DAB1: variants seen among roughly 807,000 people sequenced by gnomAD.
DAB1 encodes DAB adaptor protein 1, also known as disabled homolog 1.
DAB1 carries 15 observed loss-of-function variants against 64.6 expected under a neutral mutation model. The ratio of observed to expected loss-of-function variants is 0.23; its 90% CI spans 0.16 to 0.36. The LOEUF is 0.36. DAB1 is among the 10% of genes least tolerant of loss of function. DAB1 has a pLI of 1.00. For synonymous variants in DAB1, 235 were observed against 251.9 expected (o/e 0.93, Z 0.64); for missense variants, 596 against 706.7 (o/e 0.84, Z 1.78).
intron 3 of DAB1, among the ~76,000 whole-genome samples, chr1:58,447,167 G>C (rs111771858): frequency 1.3e-5 from 2 of 152,192 alleles, no homozygotes; most frequent in African/African-American, 4.8e-5. Flanking sequence ...GTCACCTAGA[G>C]CCTGTAGAGG....
chr1:57,574,867 C>T (rs567336810), intron 7 of DAB1, among the ~76,000 whole-genome samples: 114 of 152,310 alleles, frequency 7.5e-4, no homozygotes, highest in African/African-American at 2.7e-3. Context: ...AACACAATCA[C>T]ACAGCCCTAA....
chr1:57,774,423 A>T (rs1649700825), intron 6 of DAB1, among the ~76,000 whole-genome samples: 1 of 151,750 alleles, frequency 6.6e-6, no homozygotes, highest in Admixed American at 6.6e-5. Context: ...TATGCCCTTT[A>T]CATTCCAAAT....
intron 7 of DAB1, among the ~76,000 whole-genome samples, chr1:57,470,323 C>G (rs1194564999): frequency 6.6e-6 from 1 of 152,188 alleles, no homozygotes; most frequent in Non-Finnish European, 1.5e-5. Context: ...AGCTTTTCAC[C>G]TCCAGAATTT....
chr1:58,305,650 A>C (rs915493050), intron 4 of DAB1, among the ~76,000 whole-genome samples: 1 of 152,226 alleles, frequency 6.6e-6, no homozygotes, highest in Non-Finnish European at 1.5e-5. Flanking sequence ...TGAATATTTA[A>C]GACTTTCCTT....
At chr1:57,222,833 G>A (rs954033435) in intron 2 of DAB1, among the ~76,000 whole-genome samples, 14 of 152,160 alleles carry the variant, frequency 9.2e-5, no homozygotes, top group Non-Finnish European at 1.9e-4. Flanking sequence ...TGTCTTCATG[G>A]GAGTTATGAT....
At chr1:57,368,361 G>A (rs1680232814) in intron 1 of DAB1, among the ~76,000 whole-genome samples, 2 of 152,192 alleles carry the variant, frequency 1.3e-5, no homozygotes, top group Admixed American at 6.5e-5. Context: ...GAAGGATGGG[G>A]GCGGGGCTGC....
intron 9 of DAB1, among the ~76,000 whole-genome samples, chr1:57,055,470 C>A (rs1316707789): frequency 6.6e-6 from 1 of 152,056 alleles, no homozygotes; most frequent in Non-Finnish European, 1.5e-5. Context: ...AAAACTAGGG[C>A]AAGAATGAGT....
chr1:57,944,133 C>T (rs1645146435), intron 5 of DAB1, among the ~76,000 whole-genome samples: 1 of 152,160 alleles, frequency 6.6e-6, no homozygotes, highest in Non-Finnish European at 1.5e-5. Flanking sequence ...ATAATCTCTT[C>T]CCACTGGCTC....
intron 7 of DAB1, among the ~76,000 whole-genome samples, chr1:57,574,466 T>G (rs1227909040): frequency 6.6e-6 from 1 of 152,204 alleles, no homozygotes; most frequent in Non-Finnish European, 1.5e-5. Context: ...ATTCTATTCT[T>G]AATCCCCATT....
At chr1:57,395,228 GT>G (rs1682711311) in intron 1 of DAB1, among the ~76,000 whole-genome samples, 1 of 152,130 alleles carries the variant, frequency 6.6e-6, no homozygotes. Flanking sequence ...GTTTCGCCAT[GT>G]TGGCCAGGCT....
chr1:58,232,877 C>A (rs1557706782), intron 4 of DAB1, among the ~76,000 whole-genome samples: 2 of 152,170 alleles, frequency 1.3e-5, no homozygotes, highest in Non-Finnish European at 2.9e-5. Flanking sequence ...TGTCTTTGTT[C>A]CCTGCTTTTC....
chr1:57,484,303 T>C (rs1049097539), intron 7 of DAB1, among the ~76,000 whole-genome samples: 5 of 152,280 alleles, frequency 3.3e-5, no homozygotes, highest in Admixed American at 2.0e-4. Flanking sequence ...TTTTTGAAGA[T>C]GTGTTTTGTG....
chr1:57,610,857 C>T (rs891636366), intron 7 of DAB1, among the ~76,000 whole-genome samples: 2 of 152,138 alleles, frequency 1.3e-5, no homozygotes, highest in South Asian at 2.1e-4. Flanking sequence ...GAGATTTGGG[C>T]GGGGACACAG....
At chr1:58,137,601 C>T (rs1187620979) in intron 5 of DAB1, among the ~76,000 whole-genome samples, 1 of 152,166 alleles carries the variant, frequency 6.6e-6, no homozygotes, top group Non-Finnish European at 1.5e-5. Context: ...ATCCAATCAT[C>T]CATCCATCCC....
chr1:58,057,022 C>G (rs2100542674), intron 5 of DAB1, among the ~76,000 whole-genome samples: 1 of 152,042 alleles, frequency 6.6e-6, no homozygotes, highest in South Asian at 2.1e-4. Context: ...TTGAATTACT[C>G]TAATCCAGTG....
chr1:57,076,610 A>T (rs995344306), intron 4 of DAB1, among the ~76,000 whole-genome samples: 5 of 152,126 alleles, frequency 3.3e-5, no homozygotes, highest in African/African-American at 4.8e-5. Flanking sequence ...TCTCCCTTTG[A>T]ATTTTGTGCT....
At chr1:57,572,714 A>G (rs948911633) in intron 7 of DAB1, among the ~76,000 whole-genome samples, 4 of 152,190 alleles carry the variant, frequency 2.6e-5, no homozygotes, top group Non-Finnish European at 5.9e-5. Flanking sequence ...AATTTATTAA[A>G]AAAAGAGGCT....
rs573744509 is a variant in DAB1, at chr1:57,763,481, A to G, written n.552-113816T>C. Reference sequence around the variant, plus strand: ...TCACTTGAGGCCAGGAGTTCAAGACAAGCCTGACAATAGTGAGACCCTGTT... The same window carrying G: ...TCACTTGAGGCCAGGAGTTCAAGACGAGCCTGACAATAGTGAGACCCTGTT... On this transcript the variant is annotated intron_variant and non_coding_transcript_variant, in intron 6 of 20. Coordinates refer to the DAB1 transcript ENST00000485760. Among the ~76,000 whole-genome samples the G allele has an allele frequency of 2.0e-4, 31 of 152,226 alleles. No homozygotes were observed. The South Asian group carries it at 6.0e-3, about 30-fold the overall frequency.
intron 3 of DAB1, among the ~76,000 whole-genome samples, chr1:58,486,387 C>T (rs1645576308): frequency 6.6e-6 from 1 of 152,176 alleles, no homozygotes; most frequent in South Asian, 2.1e-4. Context: ...TTACTATTTC[C>T]TGCGACCATC....
Sources: allele counts gnomAD v4.1 joint callset (sites outside exome capture counted in the v4.1 genomes callset), GRCh38; gene constraint gnomAD v4.1.1; transcripts MANE v1.5; gene names NCBI Gene and HGNC (gene_info 2026-07-23, HGNC 2026-07-21).